DAB1: variants seen among roughly 807,000 people sequenced by gnomAD.
The protein encoded by DAB1 is DAB adaptor protein 1, also known as disabled homolog 1.
In DAB1, 15 loss-of-function variants were observed where a neutral mutation model predicts 64.6. That is an observed-to-expected ratio of 0.23 (90% CI 0.16 to 0.36). DAB1 has a LOEUF of 0.36. Ranked by LOEUF, DAB1 falls within the 10% of genes least tolerant of loss-of-function variation. The pLI is 1.00. For missense variants in DAB1, 596 were observed against 706.7 expected, an observed-to-expected ratio of 0.84 and a Z score of 1.78; for synonymous variants, 235 against 251.9, an observed-to-expected ratio of 0.93 and a Z score of 0.64.
intron 2 of DAB1, among the ~76,000 whole-genome samples, chr1:57,163,878 G>T (rs1381887910): frequency 2.6e-5 from 4 of 152,178 alleles, no homozygotes; most frequent in Non-Finnish European, 5.9e-5. Context: ...AAAGCCAAGA[G>T]AACCTGGTGC....
At chr1:58,241,124 T>C (rs1440141978) in intron 4 of DAB1, among the ~76,000 whole-genome samples, 1 of 152,202 alleles carries the variant, frequency 6.6e-6, no homozygotes, top group Admixed American at 6.5e-5. Context: ...AAGAATATTC[T>C]TGATATAGCT....
intron 5 of DAB1, among the ~76,000 whole-genome samples, chr1:58,149,627 C>G (rs1047516049): frequency 3.3e-5 from 5 of 152,204 alleles, no homozygotes; most frequent in African/African-American, 1.2e-4. Flanking sequence ...GGCAAAACAG[C>G]ACCTTTGGAA....
intron 4 of DAB1, among the ~76,000 whole-genome samples, chr1:57,079,782 A>G (rs1652317625): frequency 6.6e-6 from 1 of 152,166 alleles, no homozygotes; most frequent in Non-Finnish European, 1.5e-5. Context: ...TCTCCCATTC[A>G]GACCTCAGCA....
At position 57,707,520 on chromosome 1, in the gene DAB1, T is replaced by C. The variant is rs374581833; in HGVS notation, n.552-57855A>G. 3.3e-5 allele frequency among the ~76,000 whole-genome samples: 5 copies of C among 152,296 alleles called. No individual in the cohort carries two copies. The East Asian group carries it at 9.7e-4, about 29-fold the overall frequency. On this transcript the variant is annotated intron_variant and non_coding_transcript_variant, in intron 6 of 20. Transcript: ENST00000485760. The stretch of plus-strand genomic sequence containing the variant: ...ATGTTTTTGTGAATCGAGGTTTTCA[T>C]TTCTCTGGGGATGAATGCCCAGGAG...
chr1:57,495,915 T>C (rs562481868), intron 7 of DAB1, among the ~76,000 whole-genome samples: 6 of 152,312 alleles, frequency 3.9e-5, no homozygotes, highest in Middle Eastern at 3.4e-3. Flanking sequence ...TTTTTGAAGC[T>C]GTATGGTCCT....
chr1:58,058,513 T>C (rs1179008670), intron 5 of DAB1, among the ~76,000 whole-genome samples: 1 of 152,164 alleles, frequency 6.6e-6, no homozygotes. Flanking sequence ...TGAACAGTTT[T>C]CCCAGTCATC....
intron 1 of DAB1, among the ~76,000 whole-genome samples, chr1:57,319,317 G>A (rs439378): frequency 0.45 from 68,182 of 151,982 alleles, 16,298 homozygotes; most frequent in East Asian, 0.89. Flanking sequence ...GAGGATTGGG[G>A]GAGGGCAGAT....
intron 4 of DAB1, among the ~76,000 whole-genome samples, chr1:58,288,201 G>A (rs945942534): frequency 6.6e-6 from 1 of 152,034 alleles, no homozygotes; most frequent in Non-Finnish European, 1.5e-5. Flanking sequence ...TATATGGGAT[G>A]GAGATTATGT....
In DAB1 at chr1:58,464,251, T is replaced by C. The variant is rs116275813; in HGVS notation, n.257+41809A>G. ...TGCATGGAAGACATCAATGTGTGTA[T>C]TGTCATGCATACACTGAGGTCTGTA... On this transcript the variant is annotated intron_variant and non_coding_transcript_variant, in intron 3 of 20. Coordinates refer to the DAB1 transcript ENST00000485760. Among the ~76,000 whole-genome samples, 1,171 of 152,282 alleles carry C rather than the reference T, an allele frequency of 7.7e-3. 16 individuals carry two copies. Among genetic ancestry groups the C allele is most frequent in the African/African-American group, 0.027 (1,119 of 41,556 alleles).
chr1:58,295,757 A>C (rs1661957431), intron 4 of DAB1, among the ~76,000 whole-genome samples: 3 of 152,066 alleles, frequency 2.0e-5, no homozygotes, highest in Admixed American at 2.0e-4. Context: ...ACTGGAACGC[A>C]AGGGGCAGAG....
At chr1:58,532,999 T>C (rs543989657) in intron 1 of DAB1, among the ~76,000 whole-genome samples, 1 of 152,336 alleles carries the variant, frequency 6.6e-6, no homozygotes, top group African/African-American at 2.4e-5. Context: ...CCATTTGAAG[T>C]TAATGTTACT....
chr1:57,125,427 A>G (rs979148904), intron 4 of DAB1, among the ~76,000 whole-genome samples: 1 of 152,224 alleles, frequency 6.6e-6, no homozygotes, highest in African/African-American at 2.4e-5. Context: ...CAATCTGCAT[A>G]AGATATTATA....
At chr1:58,541,747 T>C in intron 1 of DAB1, 1 of 118,992 alleles carries the variant, frequency 8.4e-6, no homozygotes, top group East Asian at 2.0e-4. Flanking sequence ...ATATTGTGGT[T>C]ATCTGACTAT....
intron 4 of DAB1, among the ~76,000 whole-genome samples, chr1:58,296,172 A>AAGAG (rs1661972694): frequency 7.4e-6 from 1 of 134,398 alleles, no homozygotes; most frequent in Non-Finnish European, 1.6e-5. Context: ...GAAAGAAAGA[A>AAGAG]AAAAGAAAGA....
chr1:57,876,793 A>G (rs1329779769), intron 1 of DAB1: 1 of 152,184 alleles, frequency 6.6e-6, no homozygotes, highest in East Asian at 1.9e-4. Context: ...GAACTCACCA[A>G]GAAAAGAAGA....
At chr1:57,869,533 A>G (rs936635366) in intron 1 of DAB1, among the ~76,000 whole-genome samples, 7 of 152,120 alleles carry the variant, frequency 4.6e-5, no homozygotes, top group African/African-American at 1.7e-4. Context: ...CTCATTTTAC[A>G]TAAGGAAAAA....
downstream of DAB1, among the ~76,000 whole-genome samples, chr1:57,821,685 A>C (rs1026307685): frequency 1.8e-4 from 27 of 152,238 alleles, no homozygotes; most frequent in Admixed American, 3.9e-4. Context: ...CCCACAGGTT[A>C]GATGCAAAGC....
At chr1:57,038,070 G>C (rs1392316867) in intron 9 of DAB1, among the ~76,000 whole-genome samples, 3 of 152,156 alleles carry the variant, frequency 2.0e-5, no homozygotes, top group Non-Finnish European at 4.4e-5. Flanking sequence ...GTATTGGACA[G>C]CACGACTCTA....
intron 4 of DAB1, among the ~76,000 whole-genome samples, chr1:57,126,711 CT>C (rs1657158260): frequency 6.6e-6 from 1 of 152,134 alleles, no homozygotes; most frequent in Admixed American, 6.6e-5. Flanking sequence ...AATATGCATA[CT>C]TCTAACAAGT....
Sources: allele counts gnomAD v4.1 joint callset (sites outside exome capture counted in the v4.1 genomes callset), GRCh38; gene constraint gnomAD v4.1.1; transcripts MANE v1.5; gene names NCBI Gene and HGNC (gene_info 2026-07-23, HGNC 2026-07-21).